The following AIG1 variants were observed in gnomAD, a reference collection of about 807,000 sequenced individuals.
AIG1 encodes the protein androgen-induced gene 1 protein.
A neutral mutation model predicts 31.4 loss-of-function variants in AIG1; 23 were observed. That is an observed-to-expected ratio of 0.73 (90% CI 0.53 to 1.04). The LOEUF is 1.04. Among genes scored for constraint, AIG1 ranks in the 50% least tolerant of loss-of-function variants. The pLI, the probability that AIG1 is intolerant of heterozygous loss-of-function variation, is 0.00. For synonymous variants in AIG1, 100 were observed against 110.5 expected (o/e 0.90, Z 0.60); for missense variants, 274 against 295.0 (o/e 0.93, Z 0.52).
chr6:143,304,521 A>G (rs1176254973), intron 4 of AIG1, among the ~76,000 whole-genome samples: 1 of 152,144 alleles, frequency 6.6e-6, no homozygotes, highest in African/African-American at 2.4e-5. Context: ...TATATGCTGG[A>G]TTACATTTAT....
chr6:143,282,924 C>T (rs1014457469), intron 3 of AIG1, among the ~76,000 whole-genome samples: 26 of 152,180 alleles, frequency 1.7e-4, no homozygotes, highest in Non-Finnish European at 2.8e-4. Flanking sequence ...CCTGCCTTTT[C>T]CTTGAATACA....
intron 4 of AIG1, among the ~76,000 whole-genome samples, chr6:143,300,237 T>C (rs937604193): frequency 3.3e-5 from 5 of 152,226 alleles, no homozygotes; most frequent in Admixed American, 3.3e-4. Flanking sequence ...AGAGATGAAT[T>C]TCTGCACTTT....
intron 1 of AIG1, among the ~76,000 whole-genome samples, chr6:143,061,973 A>C (rs914506196): frequency 2.0e-5 from 3 of 152,224 alleles, no homozygotes; most frequent in Non-Finnish European, 4.4e-5. Context: ...TTAAAACAAA[A>C]GCAATGAAGT....
At chr6:143,207,974 C>T (rs1791257808) in intron 3 of AIG1, among the ~76,000 whole-genome samples, 1 of 151,896 alleles carries the variant, frequency 6.6e-6, no homozygotes, top group Admixed American at 6.6e-5. Flanking sequence ...ATTTTAGTGG[C>T]CATTCTATGA....
chr6:143,171,973 T>C (rs1787684111), intron 3 of AIG1, among the ~76,000 whole-genome samples: 2 of 152,220 alleles, frequency 1.3e-5, no homozygotes, highest in Non-Finnish European at 2.9e-5. Context: ...GCCATTTGTA[T>C]ATCCTCCTTT....
At chr6:143,318,236 T>C (rs1775924847) in intron 4 of AIG1, among the ~76,000 whole-genome samples, 1 of 152,070 alleles carries the variant, frequency 6.6e-6, no homozygotes, top group African/African-American at 2.4e-5. Context: ...CAAACTATAC[T>C]GTAAGGCCAT....
At chr6:143,103,480 T>C (rs976868837) in intron 1 of AIG1, among the ~76,000 whole-genome samples, 1 of 151,590 alleles carries the variant, frequency 6.6e-6, no homozygotes, top group Non-Finnish European at 1.5e-5. Flanking sequence ...ACAAAGTAGA[T>C]GTGATAAATA....
intron 4 of AIG1, among the ~76,000 whole-genome samples, chr6:143,319,401 C>G (rs932103178): frequency 1.3e-5 from 2 of 152,186 alleles, no homozygotes; most frequent in African/African-American, 2.4e-5. Context: ...CATATGTTCT[C>G]ACTGATAAGT....
At chr6:143,335,362 T>C (rs1284667503) in intron 5 of AIG1, 1 of 240,460 alleles carries the variant, frequency 4.2e-6, no homozygotes, top group African/African-American at 2.2e-5. Context: ...TGAAATCCCA[T>C]CTCTACTAAA....
At chr6:143,105,980 C>T (rs1230173974) in intron 1 of AIG1, among the ~76,000 whole-genome samples, 3 of 152,252 alleles carry the variant, frequency 2.0e-5, no homozygotes, top group South Asian at 4.1e-4. Context: ...GTTCTCATTG[C>T]CTTTCTGAAT....
intron 2 of AIG1, among the ~76,000 whole-genome samples, chr6:143,160,160 A>G (rs1295610984): frequency 6.6e-6 from 1 of 152,120 alleles, no homozygotes; most frequent in Non-Finnish European, 1.5e-5. Context: ...AGATGATGCT[A>G]TCCAGCCTTT....
chr6:143,082,692 C>T (rs1778377897), intron 1 of AIG1, among the ~76,000 whole-genome samples: 1 of 152,126 alleles, frequency 6.6e-6, no homozygotes, highest in Non-Finnish European at 1.5e-5. Context: ...ACATCAATTT[C>T]CTTACTCAGG....
intron 3 of AIG1, among the ~76,000 whole-genome samples, chr6:143,207,873 A>G (rs972832067): frequency 3.3e-5 from 5 of 152,204 alleles, no homozygotes; most frequent in Non-Finnish European, 5.9e-5. Flanking sequence ...ATTTTGCCTA[A>G]AAGGTTTGTT....
intron 4 of AIG1, among the ~76,000 whole-genome samples, chr6:143,315,321 T>A (rs1775649933): frequency 6.6e-6 from 1 of 152,110 alleles, no homozygotes; most frequent in South Asian, 2.1e-4. Flanking sequence ...TAGCAAAAAC[T>A]GATTCTAAAG....
intron 3 of AIG1, among the ~76,000 whole-genome samples, chr6:143,233,515 C>A (rs1273572358): frequency 6.6e-6 from 1 of 150,752 alleles, no homozygotes; most frequent in African/African-American, 2.4e-5. Context: ...CCAGAGAGCC[C>A]CCAAACCAGA....
intron 3 of AIG1, among the ~76,000 whole-genome samples, chr6:143,240,402 T>A (rs1239142233): frequency 6.6e-6 from 1 of 152,208 alleles, no homozygotes; most frequent in Non-Finnish European, 1.5e-5. Flanking sequence ...CTTGGAGAAG[T>A]TACATGTGGC....
Position 143,109,878 on chromosome 6 carries a change from A to G in AIG1, c.142-26957A>G, listed in dbSNP as rs76899813. Reference sequence around the variant, plus strand: ...TGATCAACTGAAGTTCTTACTTTCAATGAAGTTTAACTTATTAATCCATTC... The same window carrying G: ...TGATCAACTGAAGTTCTTACTTTCAGTGAAGTTTAACTTATTAATCCATTC... On this transcript the variant is annotated intron_variant, in intron 1 of 5. Coordinates refer to ENST00000357847, the MANE Select transcript of AIG1 (RefSeq NM_016108.4). Among the ~76,000 whole-genome samples the G allele has an allele frequency of 3.5e-3, 527 of 152,302 alleles. 4 individuals are homozygous for G. Among genetic ancestry groups the G allele is most frequent in the African/African-American group, 0.012 (493 of 41,548 alleles).
intron 3 of AIG1, among the ~76,000 whole-genome samples, chr6:143,181,165 TG>T (rs1788679520): frequency 6.6e-6 from 1 of 152,168 alleles, no homozygotes; most frequent in Non-Finnish European, 1.5e-5. Flanking sequence ...ATATTTCATA[TG>T]AAAAAAAACT....
intron 3 of AIG1, among the ~76,000 whole-genome samples, chr6:143,233,587 A>AAAAAG (rs893959161): frequency 4.7e-5 from 7 of 148,902 alleles, no homozygotes; most frequent in Non-Finnish European, 1.0e-4. Flanking sequence ...ACCAAAAAAA[A>AAAAAG]AAAAGAAAAG....
Sources: gnomAD v4.1 joint callset for allele counts (sites outside exome capture counted in the v4.1 genomes callset) on GRCh38, gnomAD v4.1.1 for gene constraint, MANE v1.5 for transcripts, NCBI Gene and HGNC (gene_info 2026-07-23, HGNC 2026-07-21) for gene names.